The following PCDH11Y variants were observed in gnomAD, a reference collection of about 807,000 sequenced individuals.
PCDH11Y encodes the protein protocadherin 11 Y-linked.
For synonymous variants in PCDH11Y, 9 were observed against 83.6 expected, an observed-to-expected ratio of 0.11 and a Z score of 4.87; for missense variants, 12 against 224.8, an observed-to-expected ratio of 0.05 and a Z score of 6.05.
At chrY:5,688,672 A>G in intron 4 of PCDH11Y, among the ~76,000 whole-genome samples, 4 of 31,051 alleles carry the variant, frequency 1.3e-4, no homozygotes, top group Non-Finnish European at 3.1e-4. Flanking sequence ...AACATATAGA[A>G]AACATTAAAA....
intron 4 of PCDH11Y, among the ~76,000 whole-genome samples, chrY:5,641,559 A>C: frequency 3.0e-5 from 1 of 33,445 alleles, no homozygotes; most frequent in Non-Finnish European, 7.4e-5. Flanking sequence ...TGGAGTAATC[A>C]TAACACACAC....
At chrY:5,228,279 C>T (rs2052963229) in intron 2 of PCDH11Y, among the ~76,000 whole-genome samples, 1 of 25,204 alleles carries the variant, frequency 4.0e-5, no homozygotes, top group Non-Finnish European at 9.2e-5. Context: ...ATTATAATGC[C>T]TCCCTTTTCA....
At chrY:5,712,343 A>G (rs2053587303) in intron 4 of PCDH11Y, among the ~76,000 whole-genome samples, 1 of 33,312 alleles carries the variant, frequency 3.0e-5, no homozygotes, top group Non-Finnish European at 7.4e-5. Flanking sequence ...AGTTAGCCAG[A>G]TTCCCTGGCT....
At chrY:5,513,098 T>G in intron 3 of PCDH11Y, among the ~76,000 whole-genome samples, 1 of 32,301 alleles carries the variant, frequency 3.1e-5, no homozygotes, top group Admixed American at 2.9e-4. Flanking sequence ...TGGCGTGATC[T>G]CGGCTCACTG....
intron 4 of PCDH11Y, among the ~76,000 whole-genome samples, chrY:5,654,346 G>C: frequency 3.0e-5 from 1 of 33,764 alleles, no homozygotes; most frequent in Non-Finnish European, 7.4e-5. Flanking sequence ...GCTAAAAGCA[G>C]AACTATCATT....
intron 4 of PCDH11Y, among the ~76,000 whole-genome samples, chrY:5,662,817 C>T (rs2053541886): frequency 3.3e-5 from 1 of 30,291 alleles, no homozygotes; most frequent in Non-Finnish European, 7.8e-5. Flanking sequence ...AAGTTTTGGC[C>T]GGGCATGGTG....
intron 2 of PCDH11Y, among the ~76,000 whole-genome samples, chrY:5,350,500 G>A: frequency 3.2e-5 from 1 of 31,665 alleles, no homozygotes. Flanking sequence ...GAGGTCAGGA[G>A]TTCAAGACCA....
At chrY:5,476,365 C>T in intron 2 of PCDH11Y, among the ~76,000 whole-genome samples, 1 of 18,822 alleles carries the variant, frequency 5.3e-5, no homozygotes, top group African/African-American at 2.1e-4. Flanking sequence ...ACTAAAAAGA[C>T]TGCAAGATTG....
intron 4 of PCDH11Y, among the ~76,000 whole-genome samples, chrY:5,661,491 A>G: frequency 3.0e-5 from 1 of 33,190 alleles, no homozygotes; most frequent in Non-Finnish European, 7.4e-5. Flanking sequence ...GGAACTCATT[A>G]AATATCACTT....
chrY:5,108,262 C>G, downstream of PCDH11Y, among the ~76,000 whole-genome samples: 1 of 31,981 alleles, frequency 3.1e-5, no homozygotes, highest in Non-Finnish European at 7.6e-5. Context: ...GAAATATATT[C>G]TCATTTTATT....
intron 1 of PCDH11Y, among the ~76,000 whole-genome samples, chrY:5,062,511 A>T: frequency 3.1e-5 from 1 of 32,209 alleles, no homozygotes; most frequent in Admixed American, 2.9e-4. Flanking sequence ...TGGGGTTATT[A>T]TCAAAGTACA....
intron 2 of PCDH11Y, among the ~76,000 whole-genome samples, chrY:5,210,057 G>A (rs2052937185): frequency 8.9e-5 from 3 of 33,779 alleles, no homozygotes; most frequent in African/African-American, 3.5e-4. Flanking sequence ...GTGAGACTCC[G>A]TCTCAAAATA....
At chrY:5,321,829 T>C (rs1602904027) in intron 2 of PCDH11Y, among the ~76,000 whole-genome samples, 13 of 30,017 alleles carry the variant, frequency 4.3e-4, no homozygotes, top group African/African-American at 1.7e-3. Flanking sequence ...ACTGGCCAGG[T>C]GGCGTGCACT....
chrY:5,249,378 A>C, intron 2 of PCDH11Y, among the ~76,000 whole-genome samples: 1 of 31,793 alleles, frequency 3.1e-5, no homozygotes, highest in Admixed American at 3.0e-4. Context: ...AATAAGCAAA[A>C]CTTCGTGGTA....
chrY:5,129,478 C>CAG (rs60771778), intron 2 of PCDH11Y, among the ~76,000 whole-genome samples: 45 of 12,394 alleles, frequency 3.6e-3, no homozygotes, highest in South Asian at 0.022. Context: ...CACACACACA[C>CAG]AGAGAGAGAG....
chrY:5,594,239 T>C, intron 4 of PCDH11Y, among the ~76,000 whole-genome samples: 4 of 32,626 alleles, frequency 1.2e-4, no homozygotes, highest in African/African-American at 4.8e-4. Flanking sequence ...TGTGCATTCA[T>C]GCAGGCAGAG....
chrY:5,153,928 G>A (rs2052866231), intron 2 of PCDH11Y, among the ~76,000 whole-genome samples: 2 of 24,023 alleles, frequency 8.3e-5, no homozygotes, highest in Admixed American at 8.1e-4. Context: ...GATAAACCAC[G>A]GCAGGAAGGG....
chrY:5,435,115 T>A, intron 2 of PCDH11Y, among the ~76,000 whole-genome samples: 2 of 33,243 alleles, frequency 6.0e-5, no homozygotes, highest in Non-Finnish European at 1.5e-4. Context: ...TTGGGACCTA[T>A]ACATGAAAGG....
intron 2 of PCDH11Y, among the ~76,000 whole-genome samples, chrY:5,467,187 G>A: frequency 9.8e-5 from 3 of 30,678 alleles, no homozygotes; most frequent in Non-Finnish European, 2.4e-4. Context: ...GAGTTTCCCT[G>A]CATTTTTTTT....
Sources: gnomAD v4.1 joint callset for allele counts (sites outside exome capture counted in the v4.1 genomes callset) on GRCh38, gnomAD v4.1.1 for gene constraint, MANE v1.5 for transcripts, NCBI Gene and HGNC (gene_info 2026-07-23, HGNC 2026-07-21) for gene names.